SERGEF: variants seen among roughly 807,000 people sequenced by gnomAD.
SERGEF encodes secretion regulating guanine nucleotide exchange factor.
In SERGEF, 51 loss-of-function variants were observed where a neutral mutation model predicts 50.0. The ratio of observed to expected loss-of-function variants is 1.02; its 90% CI spans 0.81 to 1.29. The LOEUF (loss-of-function observed/expected upper bound fraction) is 1.29. Ranked by LOEUF, SERGEF falls within the 50% of genes most tolerant of loss-of-function variation. The pLI is 0.00. For synonymous variants in SERGEF, 205 were observed against 212.4 expected (o/e 0.97, Z 0.30); for missense variants, 521 against 557.0 (o/e 0.94, Z 0.65).
intron 10 of SERGEF, among the ~76,000 whole-genome samples, chr11:17,844,546 T>C (rs1002181986): frequency 6.6e-6 from 1 of 152,332 alleles, no homozygotes; most frequent in South Asian, 2.1e-4. Flanking sequence ...GTTCCCAGAC[T>C]GTGATGGACA....
chr11:17,863,779 T>C (rs533595981), intron 10 of SERGEF: 5 of 152,346 alleles, frequency 3.3e-5, no homozygotes, highest in South Asian at 4.1e-4. Flanking sequence ...CAGACACTAG[T>C]AAGCTGAAAG....
At chr11:17,799,011 A>G (rs1849616476) in intron 10 of SERGEF, among the ~76,000 whole-genome samples, 1 of 152,208 alleles carries the variant, frequency 6.6e-6, no homozygotes, top group Non-Finnish European at 1.5e-5. Context: ...AAGGGCATGC[A>G]CACAGCACCT....
intron 9 of SERGEF, among the ~76,000 whole-genome samples, chr11:17,915,037 T>C (rs34832793): frequency 0.46 from 70,556 of 152,146 alleles, 18,505 homozygotes; most frequent in East Asian, 0.75. Context: ...CCCTTTTAGA[T>C]GGCATATTGA....
chr11:17,902,529 C>T (rs1851766516), intron 9 of SERGEF, among the ~76,000 whole-genome samples: 1 of 152,096 alleles, frequency 6.6e-6, no homozygotes, highest in Non-Finnish European at 1.5e-5. Context: ...CACAGAGAAC[C>T]CCAAGCCTCG....
chr11:17,788,053 G>A lies in SERGEF; in HGVS notation c.*32C>T. On this transcript the variant is annotated 3_prime_UTR_variant, in exon 11 of 11. Transcript: ENST00000265965. ...AAACAATTCTCTGGGAAGGCTTTTG[G>A]TGGGAAAAGCCACTTTATTAAAGAT... The A allele has an allele frequency of 4.8e-6, 7 of 1,465,850 alleles. No homozygotes were observed. The highest frequency in any genetic ancestry group is 6.4e-6 in the Non-Finnish European group (7 of 1,091,392). The allele number at this position is 1,465,850 out of a possible 1,614,324, so 90.8% of individuals were successfully genotyped here. A position where few individuals can be genotyped will look rare whatever the true frequency, so the allele number is the denominator to read the frequency against.
intron 9 of SERGEF, among the ~76,000 whole-genome samples, chr11:17,931,897 T>C (rs568106330): frequency 6.6e-6 from 1 of 152,308 alleles, no homozygotes; most frequent in South Asian, 2.1e-4. Flanking sequence ...GTGATTCTGA[T>C]GCATGCTGAG....
intron 10 of SERGEF, among the ~76,000 whole-genome samples, chr11:17,789,511 C>T (rs142055027): frequency 8.5e-5 from 13 of 152,288 alleles, no homozygotes; most frequent in African/African-American, 1.4e-4. Flanking sequence ...CATCATAACA[C>T]GTCTTCCTAG....
At chr11:17,818,231 A>C (rs1850015353) in intron 10 of SERGEF, among the ~76,000 whole-genome samples, 1 of 152,170 alleles carries the variant, frequency 6.6e-6, no homozygotes, top group African/African-American at 2.4e-5. Context: ...GGCTCAGAGG[A>C]ACTCAGACCT....
At chr11:17,987,223 C>G (rs1440423753) in intron 8 of SERGEF, among the ~76,000 whole-genome samples, 1 of 152,228 alleles carries the variant, frequency 6.6e-6, no homozygotes, top group African/African-American at 2.4e-5. Flanking sequence ...TCCTAGCTAT[C>G]TACCCTGCCT....
chr11:17,994,880 C>A (rs576700318), intron 6 of SERGEF, among the ~76,000 whole-genome samples: 8 of 152,092 alleles, frequency 5.3e-5, no homozygotes, highest in Non-Finnish European at 1.0e-4. Flanking sequence ...CCTATTCTTC[C>A]CCCACCCCTT....
intron 9 of SERGEF, among the ~76,000 whole-genome samples, chr11:17,906,489 T>C (rs891394287): frequency 7.2e-5 from 10 of 139,468 alleles, no homozygotes; most frequent in African/African-American, 2.4e-4. Context: ...AGGGGGTTGG[T>C]GGGGTGGGGG....
At chr11:17,995,962 T>C in intron 5 of SERGEF, 53 bp from the exon 6 acceptor site, 1 of 1,294,694 alleles carries the variant, frequency 7.7e-7, no homozygotes, top group Non-Finnish European at 1.1e-6. Flanking sequence ...AGGATAAGAC[T>C]AGATTGCTCT....
chr11:17,942,763 G>C (rs543753563), intron 9 of SERGEF, among the ~76,000 whole-genome samples: 1 of 152,076 alleles, frequency 6.6e-6, no homozygotes, highest in African/African-American at 2.4e-5. Flanking sequence ...TTATTAAACT[G>C]CAGAAATTCC....
At chr11:17,896,476 C>T (rs888434569) in intron 9 of SERGEF, among the ~76,000 whole-genome samples, 1 of 148,936 alleles carries the variant, frequency 6.7e-6, no homozygotes, top group Admixed American at 6.8e-5. Context: ...TATGCTACAA[C>T]GTATCACATA....
chr11:17,986,470 T>C lies in SERGEF; in HGVS notation c.844+2127A>G, dbSNP rs1853598472. Among the ~76,000 whole-genome samples, 3 of 152,316 alleles carry C rather than the reference T, an allele frequency of 2.0e-5. 1 individual carries two copies. The South Asian group carries it at 6.2e-4, about 32-fold the overall frequency. On this transcript the variant is annotated intron_variant, in intron 8 of 10. Coordinates refer to ENST00000265965, the MANE Select transcript of SERGEF (RefSeq NM_012139.4). ...GAAACGTTACCAAAAAATCATGCTCTTGAAAGGAGGCAGAAACCTGACGCT... is the reference window on the plus strand; with the variant it reads ...GAAACGTTACCAAAAAATCATGCTCCTGAAAGGAGGCAGAAACCTGACGCT...
intron 8 of SERGEF, among the ~76,000 whole-genome samples, chr11:17,975,255 T>A (rs1164834487): frequency 6.6e-6 from 1 of 152,082 alleles, no homozygotes; most frequent in African/African-American, 2.4e-5. Context: ...AAAATGGGAG[T>A]GAGCCTCACT....
chr11:17,868,484 C>G (rs1181810047), intron 10 of SERGEF, among the ~76,000 whole-genome samples: 1 of 152,144 alleles, frequency 6.6e-6, no homozygotes, highest in South Asian at 2.1e-4. Context: ...CAACAAGTCT[C>G]TAGGGGGCTC....
chr11:17,796,364 G>A (rs1481714532), intron 10 of SERGEF, among the ~76,000 whole-genome samples: 2 of 152,172 alleles, frequency 1.3e-5, no homozygotes, highest in Non-Finnish European at 2.9e-5. Flanking sequence ...CAAAAGTACA[G>A]GTGTTGGAAA....
At position 17,838,182 on chromosome 11, in the gene SERGEF, G is replaced by A. The variant is rs974173253; in HGVS notation, c.1048+40026C>T. On this transcript the variant is annotated intron_variant, in intron 10 of 10. Coordinates refer to ENST00000265965, the MANE Select transcript of SERGEF (RefSeq NM_012139.4). ...GCAACCTGTTTTTGCCTTAGAGAAAGCTAGGAAAGAAGAAAGCCCTGTGGC... is the reference window on the plus strand; with the variant it reads ...GCAACCTGTTTTTGCCTTAGAGAAAACTAGGAAAGAAGAAAGCCCTGTGGC... Among the ~76,000 whole-genome samples, 3 of 152,234 alleles carry A rather than the reference G, an allele frequency of 2.0e-5. No homozygotes were observed. The South Asian group carries it at 6.2e-4, about 31-fold the overall frequency.
Sources: allele counts gnomAD v4.1 joint callset (sites outside exome capture counted in the v4.1 genomes callset), GRCh38; gene constraint gnomAD v4.1.1; transcripts MANE v1.5; gene names NCBI Gene and HGNC (gene_info 2026-07-23, HGNC 2026-07-21).